The following NAALADL2 variants were observed in gnomAD, a reference collection of about 807,000 sequenced individuals.
NAALADL2 encodes the protein inactive N-acetylated-alpha-linked acidic dipeptidase-like protein 2.
NAALADL2 carries 76 observed loss-of-function variants against 87.2 expected under a neutral mutation model. The ratio of observed to expected loss-of-function variants is 0.87; its 90% CI spans 0.72 to 1.05. The LOEUF (loss-of-function observed/expected upper bound fraction) is 1.05, where lower values mean the gene tolerates loss of function less well. NAALADL2 is among the 50% of genes least tolerant of loss of function. NAALADL2 has a pLI of 0.00. For synonymous variants in NAALADL2, 354 were observed against 331.0 expected, an observed-to-expected ratio of 1.07 and a Z score of -0.75; for missense variants, 1,089 against 945.8, an observed-to-expected ratio of 1.15 and a Z score of -1.99.
intron 1 of NAALADL2, among the ~76,000 whole-genome samples, chr3:175,009,042 T>C (rs1425509761): frequency 6.6e-6 from 1 of 152,204 alleles, no homozygotes. Context: ...CATTTGCTAA[T>C]GATAAATTTT....
intron 1 of NAALADL2, among the ~76,000 whole-genome samples, chr3:174,887,356 T>C (rs948131454): frequency 6.6e-6 from 1 of 152,072 alleles, no homozygotes; most frequent in Non-Finnish European, 1.5e-5. Flanking sequence ...AGATTATATG[T>C]TTATTAATCT....
At chr3:175,446,967 GT>G (rs1219224579) in intron 5 of NAALADL2, among the ~76,000 whole-genome samples, 1 of 152,086 alleles carries the variant, frequency 6.6e-6, no homozygotes, top group East Asian at 1.9e-4. Flanking sequence ...TTTTAGTGGA[GT>G]TTTATGGGAC....
chr3:175,184,485 T>C (rs777304810), intron 2 of NAALADL2, among the ~76,000 whole-genome samples: 15 of 152,238 alleles, frequency 9.9e-5, no homozygotes, highest in Non-Finnish European at 1.9e-4. Context: ...AAATTACTTT[T>C]TATCATGATC....
chr3:175,046,105 G>A (rs1413059124), intron 1 of NAALADL2, among the ~76,000 whole-genome samples: 1 of 151,676 alleles, frequency 6.6e-6, no homozygotes, highest in African/African-American at 2.4e-5. Flanking sequence ...CTGCTTTTGG[G>A]GAAGTGGAAA....
intron 13 of NAALADL2, among the ~76,000 whole-genome samples, chr3:175,756,335 G>A (rs991404097): frequency 1.3e-5 from 2 of 152,110 alleles, no homozygotes; most frequent in African/African-American, 4.8e-5. Context: ...TCTACCCAAA[G>A]GAAAACAATT....
At chr3:175,337,273 G>A (rs1762084458) in intron 5 of NAALADL2, among the ~76,000 whole-genome samples, 1 of 152,110 alleles carries the variant, frequency 6.6e-6, no homozygotes, top group Non-Finnish European at 1.5e-5. Flanking sequence ...CCTATTTAGA[G>A]TCAGACTAAG....
At chr3:174,572,714 C>T (rs1294712253) in intron 2 of NAALADL2, among the ~76,000 whole-genome samples, 1 of 152,102 alleles carries the variant, frequency 6.6e-6, no homozygotes, top group Non-Finnish European at 1.5e-5. Context: ...AGCACAACAA[C>T]CAATTAGAAA....
rs139693774 is a variant in NAALADL2 at position 174,934,860 on chromosome 3, C to T, written c.43+75410C>T. 2.7e-3 allele frequency among the ~76,000 whole-genome samples: 410 copies of T among 151,572 alleles called. 3 individuals carry two copies. The highest frequency in any genetic ancestry group is 9.7e-3 in the African/African-American group (398 of 41,096). ...TGATAGAGGAATTATAGGATACGTT[C>T]AATCATTTGAAATTTTTGAATGTCA... On this transcript the variant is annotated intron_variant, in intron 1 of 13. Coordinates refer to ENST00000454872, the MANE Select transcript of NAALADL2 (RefSeq NM_207015.3).
chr3:175,800,155 G>A (rs561445352), intron 13 of NAALADL2, among the ~76,000 whole-genome samples: 1 of 152,156 alleles, frequency 6.6e-6, no homozygotes, highest in Non-Finnish European at 1.5e-5. Flanking sequence ...GATCAAGCCA[G>A]CAGTGTTGGT....
At chr3:174,831,991 TTC>T (rs1232649900) in intron 3 of NAALADL2, among the ~76,000 whole-genome samples, 1 of 152,060 alleles carries the variant, frequency 6.6e-6, no homozygotes, top group African/African-American at 2.4e-5. Context: ...TATTTGATTC[TTC>T]TCTCTTTTTT....
intron 13 of NAALADL2, among the ~76,000 whole-genome samples, chr3:175,757,522 G>A (rs1412180362): frequency 6.6e-6 from 1 of 151,988 alleles, no homozygotes; most frequent in African/African-American, 2.4e-5. Context: ...CCGATATTTG[G>A]TAATTTTCCT....
chr3:174,732,385 A>G (rs557782969), intron 2 of NAALADL2, among the ~76,000 whole-genome samples: 2 of 152,152 alleles, frequency 1.3e-5, no homozygotes, highest in South Asian at 4.1e-4. Flanking sequence ...GGGAAAAGAC[A>G]TGAAGAGAGT....
In NAALADL2 at chr3:175,323,915, G is replaced by T. The variant is rs1339318211; in HGVS notation, c.940-260G>T. 2.0e-5 allele frequency among the ~76,000 whole-genome samples: 3 copies of T among 151,610 alleles called. No individual in the cohort carries two copies. In the South Asian group the frequency reaches 6.2e-4, roughly 32 times the overall value. ...CGCCTGTGGTCCCAGCTACTCGGGA[G>T]GCTGAGGCAGGAGAATGGCGTGAAC... On this transcript the variant is annotated intron_variant, in intron 4 of 13. Transcript: ENST00000454872.
At chr3:175,189,900 TAGAC>T (rs1184502574) in intron 2 of NAALADL2, among the ~76,000 whole-genome samples, 4 of 152,082 alleles carry the variant, frequency 2.6e-5, no homozygotes, top group African/African-American at 4.8e-5. Context: ...TGAAACAAAA[TAGAC>T]AGTCCAGAAA....
At chr3:174,455,191 C>A (rs145872759) in intron 1 of NAALADL2, among the ~76,000 whole-genome samples, 5 of 152,184 alleles carry the variant, frequency 3.3e-5, no homozygotes, top group African/African-American at 1.2e-4. Flanking sequence ...GAAAGTGAAT[C>A]CCTGAACAGA....
chr3:174,495,860 A>G (rs1195120622), intron 1 of NAALADL2, among the ~76,000 whole-genome samples: 1 of 152,324 alleles, frequency 6.6e-6, no homozygotes, highest in East Asian at 1.9e-4. Flanking sequence ...CATTAAATGA[A>G]TGACAGGATT....
intron 4 of NAALADL2, among the ~76,000 whole-genome samples, chr3:175,295,958 G>A (rs951575822): frequency 6.6e-6 from 1 of 151,760 alleles, no homozygotes; most frequent in African/African-American, 2.4e-5. Context: ...GTTTGCTGAT[G>A]TTGTATCTTC....
chr3:174,751,362 T>G (rs1734798784), intron 3 of NAALADL2, among the ~76,000 whole-genome samples: 1 of 152,000 alleles, frequency 6.6e-6, no homozygotes, highest in Non-Finnish European at 1.5e-5. Flanking sequence ...TAATGTAAAT[T>G]AATATCATAA....
chr3:174,613,420 CTAGAG>C (rs942316569), intron 2 of NAALADL2, among the ~76,000 whole-genome samples: 18 of 142,936 alleles, frequency 1.3e-4, no homozygotes, highest in Non-Finnish European at 2.7e-4. Context: ...GAGTCAGGGA[CTAGAG>C]TAAAAAAACC....
Sources: gnomAD v4.1 joint callset for allele counts (sites outside exome capture counted in the v4.1 genomes callset) on GRCh38, gnomAD v4.1.1 for gene constraint, MANE v1.5 for transcripts, NCBI Gene and HGNC (gene_info 2026-07-23, HGNC 2026-07-21) for gene names.